Variants in CSGALNACT1 observed in about 807,000 individuals in gnomAD.
The protein encoded by CSGALNACT1 is chondroitin sulfate N-acetylgalactosaminyltransferase 1.
Under a neutral mutation model 51.0 loss-of-function variants are expected in CSGALNACT1, and 52 were observed. That is an observed-to-expected ratio of 1.02 (90% CI 0.82 to 1.29). CSGALNACT1 has a LOEUF of 1.29. CSGALNACT1 is among the 50% of genes most tolerant of loss of function. The probability of loss-of-function intolerance (pLI) is 0.00; values close to 1 mark genes in which losing one functional copy is unlikely to be tolerated. For synonymous variants in CSGALNACT1, 341 were observed against 254.4 expected, an observed-to-expected ratio of 1.34 and a Z score of -3.24; for missense variants, 935 against 679.2, an observed-to-expected ratio of 1.38 and a Z score of -4.19.
intron 1 of CSGALNACT1, among the ~76,000 whole-genome samples, chr8:19,625,675 G>A (rs2054358625): frequency 6.6e-6 from 1 of 152,156 alleles, no homozygotes; most frequent in Admixed American, 6.5e-5. Flanking sequence ...ACACAACAGT[G>A]AAATTCTAAA....
chr8:19,571,614 G>T (rs1185555784), intron 3 of CSGALNACT1, among the ~76,000 whole-genome samples: 1 of 152,098 alleles, frequency 6.6e-6, no homozygotes, highest in Admixed American at 6.5e-5. Flanking sequence ...AGGGGTTTTT[G>T]AAAGTAACTC....
upstream of CSGALNACT1, among the ~76,000 whole-genome samples, chr8:19,607,201 C>A (rs948648514): frequency 2.6e-5 from 4 of 151,748 alleles, no homozygotes; most frequent in Admixed American, 6.6e-5. Flanking sequence ...AGGGACCCTG[C>A]GTGGTCTGGA....
chr8:19,424,928 TC>T (rs909503580), intron 6 of CSGALNACT1, among the ~76,000 whole-genome samples: 29 of 152,088 alleles, frequency 1.9e-4, no homozygotes, highest in African/African-American at 7.0e-4. Context: ...CTGTCCTGCT[TC>T]CCCCCTTCCA....
At chr8:19,510,177 G>A (rs923761150) in intron 3 of CSGALNACT1, among the ~76,000 whole-genome samples, 1 of 152,146 alleles carries the variant, frequency 6.6e-6, no homozygotes, top group African/African-American at 2.4e-5. Flanking sequence ...CCCAGGGATG[G>A]AACTGTGATG....
At chr8:19,593,173 T>C (rs1236143945) in intron 2 of CSGALNACT1, among the ~76,000 whole-genome samples, 1 of 152,174 alleles carries the variant, frequency 6.6e-6, no homozygotes, top group Non-Finnish European at 1.5e-5. Flanking sequence ...GTATCAGAAA[T>C]ACGTGGGCTT....
At chr8:19,737,629 G>A (rs765060739) in intron 1 of CSGALNACT1, among the ~76,000 whole-genome samples, 3 of 151,828 alleles carry the variant, frequency 2.0e-5, no homozygotes, top group East Asian at 1.9e-4. Context: ...TTCAAAGGAA[G>A]GAAAAGAAGG....
chr8:19,409,504 G>T (rs7463898), intron 8 of CSGALNACT1, among the ~76,000 whole-genome samples: 52,217 of 143,980 alleles, frequency 0.36, 9,312 homozygotes, highest in East Asian at 0.61. Flanking sequence ...TATATATAGA[G>T]AGAGAGAGAG....
chr8:19,569,180 A>G (rs1257247086), intron 3 of CSGALNACT1, among the ~76,000 whole-genome samples: 1 of 152,234 alleles, frequency 6.6e-6, no homozygotes, highest in Non-Finnish European at 1.5e-5. Context: ...CCTGAAAAGT[A>G]CACAGTTAAT....
intron 1 of CSGALNACT1, among the ~76,000 whole-genome samples, chr8:19,692,493 G>A (rs1157601889): frequency 6.6e-6 from 1 of 152,206 alleles, no homozygotes; most frequent in Non-Finnish European, 1.5e-5. Context: ...TGGTGATGAT[G>A]ATGATGGGGA....
intron 1 of CSGALNACT1, among the ~76,000 whole-genome samples, chr8:19,642,421 A>C (rs1232692455): frequency 6.6e-6 from 1 of 152,170 alleles, no homozygotes; most frequent in Non-Finnish European, 1.5e-5. Flanking sequence ...ACTAAATAGC[A>C]CAGAAACAGA....
intron 1 of CSGALNACT1, among the ~76,000 whole-genome samples, chr8:19,743,393 C>T (rs1054923473): frequency 3.9e-5 from 6 of 152,104 alleles, no homozygotes; most frequent in African/African-American, 7.2e-5. Flanking sequence ...GTACTATGAA[C>T]ATCTCAAGAA....
chr8:19,693,193 G>A (rs1403501639), intron 1 of CSGALNACT1, among the ~76,000 whole-genome samples: 1 of 152,096 alleles, frequency 6.6e-6, no homozygotes, highest in African/African-American at 2.4e-5. Context: ...GAGGACCAGA[G>A]GAAGCCAGAG....
intron 1 of CSGALNACT1, among the ~76,000 whole-genome samples, chr8:19,620,932 A>C (rs2053744237): frequency 6.6e-6 from 1 of 152,172 alleles, no homozygotes; most frequent in Non-Finnish European, 1.5e-5. Context: ...TCACACCCCA[A>C]ATCTGCTAGA....
chr8:19,408,477 T>G, intron 9 of CSGALNACT1, 136 bp downstream of exon 8: 2 of 367,306 alleles, frequency 5.4e-6, no homozygotes, highest in East Asian at 3.7e-5. Flanking sequence ...GCTTTTTTTT[T>G]TTTTTTTTTT....
chr8:19,502,062 T>A (rs2076517195), intron 4 of CSGALNACT1, among the ~76,000 whole-genome samples: 1 of 152,252 alleles, frequency 6.6e-6, no homozygotes, highest in Non-Finnish European at 1.5e-5. Flanking sequence ...ATCTGTCTGA[T>A]ATTTTCCCTC....
intron 3 of CSGALNACT1, among the ~76,000 whole-genome samples, chr8:19,581,015 G>T (rs2045446801): frequency 6.6e-6 from 1 of 152,066 alleles, no homozygotes; most frequent in African/African-American, 2.4e-5. Flanking sequence ...TTTAAGACAG[G>T]AAAAAGTAAT....
At chr8:19,485,187 C>G (rs1330605785) in intron 4 of CSGALNACT1, among the ~76,000 whole-genome samples, 1 of 152,130 alleles carries the variant, frequency 6.6e-6, no homozygotes, top group East Asian at 1.9e-4. Flanking sequence ...TTAAATTACA[C>G]ACACATATAC....
At chr8:19,713,139 A>ATCATC (rs1381505646) in intron 1 of CSGALNACT1, among the ~76,000 whole-genome samples, 13 of 152,138 alleles carry the variant, frequency 8.5e-5, no homozygotes, top group African/African-American at 2.9e-4. Flanking sequence ...AAGATCCTAA[A>ATCATC]TCATCTCACT....
At position 19,610,684 on chromosome 8, in the gene CSGALNACT1, GC is replaced by G. The variant is rs2052120820; in HGVS notation, c.-543-8820del. On this transcript the variant is annotated intron_variant, in intron 1 of 9. Transcript: ENST00000332246. ...CCGAGTGGCCCAGCTCCCGAGGAAAGCCCTCCCACTCTACCCACTTCTGACT... is the reference window on the plus strand; with the variant it reads ...CCGAGTGGCCCAGCTCCCGAGGAAAGCCTCCCACTCTACCCACTTCTGACT... 1.3e-5 allele frequency among the ~76,000 whole-genome samples: 2 copies of G among 152,204 alleles called. 1 individual carries two copies. Among genetic ancestry groups the G allele is most frequent in the Admixed American group, 1.3e-4 (2 of 15,286 alleles).
Sources: allele counts gnomAD v4.1 joint callset (sites outside exome capture counted in the v4.1 genomes callset), GRCh38; gene constraint gnomAD v4.1.1; transcripts MANE v1.5; gene names NCBI Gene and HGNC (gene_info 2026-07-23, HGNC 2026-07-21).